The following TCF12 variants were observed in gnomAD, a reference collection of about 807,000 sequenced individuals.
TCF12 encodes transcription factor 12, also known as DNA-binding protein HTF4.
In TCF12, 45 loss-of-function variants were observed where a neutral mutation model predicts 86.0. That is an observed-to-expected ratio of 0.52 (90% CI 0.41 to 0.67). The LOEUF is 0.67. Among genes scored for constraint, TCF12 ranks in the 30% least tolerant of loss-of-function variants. The pLI, the probability that TCF12 is intolerant of heterozygous loss-of-function variation, is 0.00. For missense variants in TCF12, 881 were observed against 859.9 expected (o/e 1.02, Z -0.31); for synonymous variants, 330 against 299.6 (o/e 1.10, Z -1.05).
chr15:56,999,053 C>G (rs2063869331), intron 3 of TCF12, among the ~76,000 whole-genome samples: 1 of 152,012 alleles, frequency 6.6e-6, no homozygotes, highest in Admixed American at 6.5e-5. Flanking sequence ...AAAAAATTAG[C>G]TGGGCGTGGT....
At chr15:57,152,958 C>A (rs539027770) in intron 5 of TCF12, among the ~76,000 whole-genome samples, 112 of 151,816 alleles carry the variant, frequency 7.4e-4, no homozygotes, top group Admixed American at 3.5e-3. Flanking sequence ...GAAAAAAAAA[C>A]ACATCATGTA....
chr15:57,128,247 C>T lies in TCF12; in HGVS notation c.325+36356C>T, dbSNP rs16977248. Among the ~76,000 whole-genome samples, 655 of 152,124 alleles carry T rather than the reference C, an allele frequency of 4.3e-3. 8 individuals are homozygous for T. The highest frequency in any genetic ancestry group is 0.024 in the Admixed American group (362 of 15,286). Reference sequence around the variant, plus strand: ...TAAACATGTAATTGTACTCCTTTTTCGCTAATCAGATGACGAGAAACAGGT... The same window carrying T: ...TAAACATGTAATTGTACTCCTTTTTTGCTAATCAGATGACGAGAAACAGGT... On this transcript the variant is annotated intron_variant, in intron 5 of 20. Coordinates refer to ENST00000333725, the MANE Select transcript of TCF12 (RefSeq NM_207037.2).
intron 18 of TCF12, among the ~76,000 whole-genome samples, chr15:57,271,854 A>C (rs1480291129): frequency 6.6e-6 from 1 of 152,228 alleles, no homozygotes; most frequent in Non-Finnish European, 1.5e-5. Flanking sequence ...TATGTATGTT[A>C]AAATGTATAT....
chr15:57,224,899 C>G (rs2058794961), intron 8 of TCF12, among the ~76,000 whole-genome samples: 1 of 152,034 alleles, frequency 6.6e-6, no homozygotes, highest in South Asian at 2.1e-4. Flanking sequence ...CTGGAACTAT[C>G]TAAATATTTT....
intron 12 of TCF12, among the ~76,000 whole-genome samples, chr15:57,235,278 A>AT (rs1286531764): frequency 6.6e-6 from 1 of 152,212 alleles, no homozygotes; most frequent in Non-Finnish European, 1.5e-5. Context: ...GCCCTGTTTC[A>AT]TTTAATCCTC....
chr15:57,116,315 T>C (rs1327946962), intron 5 of TCF12, among the ~76,000 whole-genome samples: 2 of 152,198 alleles, frequency 1.3e-5, no homozygotes, highest in African/African-American at 4.8e-5. Flanking sequence ...CAGAGGTTGA[T>C]GAATATTCTA....
chr15:57,060,534 C>G (rs554134720), intron 3 of TCF12, among the ~76,000 whole-genome samples: 1 of 152,272 alleles, frequency 6.6e-6, no homozygotes, highest in East Asian at 1.9e-4. Context: ...AAAAGTGTTT[C>G]TATCATTAAT....
chr15:57,181,070 T>C (rs1488825223), intron 6 of TCF12, among the ~76,000 whole-genome samples: 1 of 151,972 alleles, frequency 6.6e-6, no homozygotes, highest in Admixed American at 6.6e-5. Context: ...CGCCTCGGTC[T>C]CCCAAAGTGC....
intron 16 of TCF12, among the ~76,000 whole-genome samples, chr15:57,258,495 T>A (rs2060448272): frequency 6.6e-6 from 1 of 152,148 alleles, no homozygotes; most frequent in African/African-American, 2.4e-5. Flanking sequence ...CTAAATGAAA[T>A]TCGAAGCATT....
At chr15:57,071,719 A>G (rs2069403295) in intron 4 of TCF12, among the ~76,000 whole-genome samples, 6 of 152,248 alleles carry the variant, frequency 3.9e-5, no homozygotes, top group Admixed American at 3.9e-4. Context: ...CAAATAGTTA[A>G]TTACGAAAAT....
At chr15:57,036,766 GA>G (rs1274874079) in intron 3 of TCF12, among the ~76,000 whole-genome samples, 2 of 152,002 alleles carry the variant, frequency 1.3e-5, no homozygotes, top group East Asian at 3.9e-4. Flanking sequence ...TAATTCTGTA[GA>G]TTCTTTTAGG....
At chr15:57,058,572 C>T (rs1483698113) in intron 3 of TCF12, among the ~76,000 whole-genome samples, 1 of 152,164 alleles carries the variant, frequency 6.6e-6, no homozygotes, top group African/African-American at 2.4e-5. Context: ...ACCGGACTTA[C>T]TTTCTTACAT....
intron 18 of TCF12, among the ~76,000 whole-genome samples, chr15:57,271,832 T>C (rs746835470): frequency 2.0e-5 from 3 of 152,246 alleles, no homozygotes; most frequent in Non-Finnish European, 2.9e-5. Context: ...ATTTTAAATA[T>C]ACAGTCTTTA....
At chr15:57,229,235 C>T (rs568697258) in intron 8 of TCF12, among the ~76,000 whole-genome samples, 2 of 152,040 alleles carry the variant, frequency 1.3e-5, no homozygotes, top group African/African-American at 4.8e-5. Flanking sequence ...CCTTATCTGC[C>T]TATCAGCCTG....
chr15:57,131,269 T>C (rs1210584145), intron 5 of TCF12, among the ~76,000 whole-genome samples: 1 of 152,226 alleles, frequency 6.6e-6, no homozygotes, highest in African/African-American at 2.4e-5. Context: ...CTGCTCTTTA[T>C]GTTTTTTCCA....
At chr15:57,019,560 T>C (rs2141239233) in intron 3 of TCF12, among the ~76,000 whole-genome samples, 1 of 152,152 alleles carries the variant, frequency 6.6e-6, no homozygotes, top group Middle Eastern at 3.4e-3. Context: ...TGGTTGAGGA[T>C]GAAATTATAG....
chr15:57,232,698 C>A lies in TCF12; in HGVS notation c.826-14C>A. ...AGAAAATATATTTAATAGATCATAT[C>A]TCTTTCCATCTAGAGTTATCCTCCA... is the stretch of plus-strand genomic sequence containing the variant. On this transcript the variant is annotated splice_polypyrimidine_tract_variant and intron_variant, in intron 10 of 20. Coordinates refer to ENST00000333725, the MANE Select transcript of TCF12 (RefSeq NM_207037.2). 1 of 1,607,266 alleles carries A rather than the reference C, an allele frequency of 6.2e-7. No homozygotes were observed. The highest frequency in any genetic ancestry group is 1.1e-5 in the South Asian group (1 of 90,262).
chr15:57,005,234 G>A (rs898904799), intron 3 of TCF12, among the ~76,000 whole-genome samples: 2 of 152,142 alleles, frequency 1.3e-5, no homozygotes, highest in East Asian at 3.9e-4. Flanking sequence ...GAGAACCCTT[G>A]ATTAAACAAA....
chr15:57,159,235 A>G (rs1381741246), intron 5 of TCF12, among the ~76,000 whole-genome samples: 2 of 152,252 alleles, frequency 1.3e-5, no homozygotes, highest in Non-Finnish European at 2.9e-5. Context: ...AGTTGACTCA[A>G]TGAGAGCGAA....
Sources: gnomAD v4.1 joint callset for allele counts (sites outside exome capture counted in the v4.1 genomes callset) on GRCh38, gnomAD v4.1.1 for gene constraint, MANE v1.5 for transcripts, NCBI Gene and HGNC (gene_info 2026-07-23, HGNC 2026-07-21) for gene names.